Variants in GGA3 observed in about 807,000 individuals in gnomAD.
GGA3 encodes golgi associated, gamma adaptin ear containing, ARF binding protein 3.
In GGA3, 57 loss-of-function variants were observed where a neutral mutation model predicts 77.5. The ratio of observed to expected loss-of-function variants is 0.74; its 90% CI spans 0.59 to 0.92. GGA3 has a LOEUF of 0.92. Among genes scored for constraint, GGA3 ranks in the 40% least tolerant of loss-of-function variants. The pLI is 0.00. For missense variants in GGA3, 970 were observed against 914.9 expected (o/e 1.06, Z -0.78); for synonymous variants, 416 against 383.7 (o/e 1.08, Z -0.98).
chr17:75,262,103 T>G, upstream of GGA3: 1 of 1,225,440 alleles, frequency 8.2e-7, no homozygotes. Flanking sequence ...GGATTCAAGC[T>G]TCTAAGTTAG....
intron 1 of GGA3, among the ~76,000 whole-genome samples, chr17:75,247,756 C>T (rs1567794125): frequency 6.6e-6 from 1 of 152,158 alleles, no homozygotes; most frequent in Non-Finnish European, 1.5e-5. Context: ...GCTCTAATGG[C>T]CTTCCATGGT....
chr17:75,238,665 G>A lies in GGA3; in HGVS notation c.2048C>T (p.Ala683Val). 6.2e-7 allele frequency: 1 copy of A among 1,611,938 alleles called. No individual in the cohort carries two copies. Among genetic ancestry groups the A allele is most frequent in the Non-Finnish European group, 8.5e-7 (1 of 1,178,248 alleles). Residue 683 changes from alanine (A) to valine (V), a missense_variant, in exon 16 of 17, where the codon GCC becomes GTC. By Grantham distance (64) the Ala-to-Val change is moderately conservative (BLOSUM62 0). Coordinates refer to ENST00000537686, the MANE Select transcript of GGA3 (RefSeq NM_138619.4). Reference sequence around the variant, plus strand: ...TTTGCTGCTCACCTTCAGTGGATTGGCCAGCAACATGACCTGGGTGATGGC... The same window carrying A: ...TTTGCTGCTCACCTTCAGTGGATTGACCAGCAACATGACCTGGGTGATGGC... Reference protein sequence around the residue: ...PAAITQVMLLANPLKEKVRLR... With the variant: ...PAAITQVMLLVNPLKEKVRLR...
In GGA3 at chr17:75,248,814, A is replaced by C. The variant is rs1456959820; in HGVS notation, c.41-2018T>G. 4.7e-3 allele frequency: 3,773 copies of C among 804,636 alleles called. 156 individuals carry two copies. The African/African-American group carries it at 0.19, about 41-fold the overall frequency. 49.8% of individuals were successfully genotyped at this position (804,636 alleles called of 1,614,324 possible). ...AAAAAACAAAAACAAAAACAAAAAA[A>C]ACAAAACAAAAAAAAAAAAACTCAC... On this transcript the variant is annotated intron_variant, in intron 1 of 16. Coordinates refer to ENST00000537686, the MANE Select transcript of GGA3 (RefSeq NM_138619.4).
intron 1 of GGA3, among the ~76,000 whole-genome samples, chr17:75,252,133 G>A (rs2076987921): frequency 6.6e-6 from 1 of 151,642 alleles, no homozygotes; most frequent in African/African-American, 2.4e-5. Flanking sequence ...AGGTTGGAGT[G>A]CAGTGGCTCT....
At chr17:75,253,913 A>AT (rs2077056125) in intron 1 of GGA3, among the ~76,000 whole-genome samples, 1 of 152,062 alleles carries the variant, frequency 6.6e-6, no homozygotes, top group Admixed American at 6.6e-5. Flanking sequence ...TAAATGCCTT[A>AT]TTTTCTTCTG....
intron 1 of GGA3, among the ~76,000 whole-genome samples, chr17:75,255,493 T>G (rs1398362046): frequency 6.6e-6 from 1 of 152,108 alleles, no homozygotes; most frequent in Non-Finnish European, 1.5e-5. Flanking sequence ...ACTCCCTCCT[T>G]GGCGACCGAT....
chr17:75,251,632 G>T (rs1244904226), intron 1 of GGA3, among the ~76,000 whole-genome samples: 1 of 150,570 alleles, frequency 6.6e-6, no homozygotes, highest in African/African-American at 2.5e-5. Flanking sequence ...CTTTAACCCA[G>T]GCGGCAGAGG....
At chr17:75,243,287 G>T in intron 5 of GGA3, 121 bp from the exon 6 acceptor site, 1 of 1,106,244 alleles carries the variant, frequency 9.0e-7, no homozygotes, top group Non-Finnish European at 1.3e-6. Context: ...TGGAGGGCAG[G>T]CTGCTACACC....
intron 1 of GGA3, among the ~76,000 whole-genome samples, chr17:75,259,316 C>T (rs758342336): frequency 8.5e-5 from 13 of 152,070 alleles, no homozygotes; most frequent in Non-Finnish European, 1.5e-4. Context: ...TAACACCCCA[C>T]GTAGCAGGTA....
At chr17:75,249,064 G>C (rs988147312) in intron 1 of GGA3, 41 of 916,014 alleles carry the variant, frequency 4.5e-5, no homozygotes, top group Non-Finnish European at 5.2e-5. Context: ...TATTTATTTT[G>C]AGATTGAGTC....
chr17:75,246,551 C>A lies in GGA3; in HGVS notation c.159G>T (p.Lys53Asn), dbSNP rs370372329. ...CCTCCCATTCCTGTGGGGACTGGAT[C>A]TTGTGGGCCAGCAGTCGGACGGCGA... ...PQIAVRLLAH[K>N]IQSPQEWEAL... Residue 53 changes from lysine to asparagine, a missense_variant, in exon 3 of 17, where the codon AAG becomes AAT. By Grantham distance (94) the Lys-to-Asn change is moderately conservative. Coordinates refer to ENST00000537686, the MANE Select transcript of GGA3 (RefSeq NM_138619.4). The A allele has an allele frequency of 1.5e-5, 24 of 1,613,920 alleles. No homozygotes were observed. The highest frequency in any genetic ancestry group is 2.0e-5 in the Non-Finnish European group (24 of 1,179,894).
chr17:75,239,465 G>T lies in GGA3; in HGVS notation c.1690C>A (p.Pro564Thr). ...STGPGSPLFQ[P>T]LSFQSQGSPP... is the part of the protein sequence containing the mutation. ...CTGCCCTGGGACTGGAAACTCAGTGGCTGGAAGAGCGGGCTGCCGGGCCCC... is the reference window on the plus strand; with the variant it reads ...CTGCCCTGGGACTGGAAACTCAGTGTCTGGAAGAGCGGGCTGCCGGGCCCC... The change falls in exon 14 of 17, where the codon CCA becomes ACA. Residue 564 changes from proline to threonine, a missense_variant. Coordinates refer to ENST00000537686, the MANE Select transcript of GGA3 (RefSeq NM_138619.4). 1 of 1,581,584 alleles carries T rather than the reference G, an allele frequency of 6.3e-7. No individual in the cohort carries two copies. Among genetic ancestry groups the T allele is most frequent in the Admixed American group, 2.1e-5 (1 of 48,044 alleles).
At chr17:75,242,291 G>T (rs1555582491) in intron 8 of GGA3, 45 bp downstream of exon 8, 1 of 1,608,888 alleles carries the variant, frequency 6.2e-7, no homozygotes, top group Non-Finnish European at 8.5e-7. Context: ...GCTCCTGAAG[G>T]GCAGCGCAGC....
Position 75,240,015 on chromosome 17 carries a change from A to AG in GGA3, c.1356dup (p.Ser453LeufsTer45). On this transcript the variant is annotated frameshift_variant, in exon 13 of 17. Transcript: ENST00000537686. LOFTEE classifies it high-confidence loss of function. Reference sequence around the variant, plus strand: ...AGTGGAGCTTGGGAGCTGCTTGAGGAGGGGGCTGAGGGCTGGAGCAGAGGA... The same window carrying AG: ...AGTGGAGCTTGGGAGCTGCTTGAGGAGGGGGGCTGAGGGCTGGAGCAGAGGA... 1 of 1,552,064 alleles carries AG rather than the reference A, an allele frequency of 6.4e-7. No homozygotes were observed. The highest frequency in any genetic ancestry group is 1.2e-5 in the South Asian group (1 of 84,288).
In GGA3 at chr17:75,238,763, CTAAAG is replaced by C; in HGVS notation, c.1951-6_1951-2del. 6.2e-7 allele frequency: 1 copy of C among 1,610,502 alleles called. No homozygotes were observed. Among genetic ancestry groups the C allele is most frequent in the Non-Finnish European group, 8.5e-7 (1 of 1,177,378 alleles). On this transcript the variant is annotated splice_acceptor_variant and splice_polypyrimidine_tract_variant and intron_variant, in intron 15 of 16. Transcript: ENST00000537686. LOFTEE classifies it high-confidence loss of function. ...GTGGCTGCAACTTCACTTTCATTGA[CTAAAG>C]AGAGAGAAACTCCTTTGAAGAGAAC...
In GGA3 at chr17:75,237,862, G is replaced by C; in HGVS notation, c.*417C>G. 7.1e-7 allele frequency: 1 copy of C among 1,400,318 alleles called. No individual in the cohort carries two copies. The highest frequency in any genetic ancestry group is 2.6e-5 in the East Asian group (1 of 38,094). The allele number at this position is 1,400,318 out of a possible 1,614,324, so 86.7% of individuals were successfully genotyped here. A position where few individuals can be genotyped will look rare whatever the true frequency, so the allele number is the denominator to read the frequency against. Reference sequence around the variant, plus strand: ...GCCCCTTGGGCCGTGCATCTGTCAGGTGTGAGGATGTGGCTCTTGTGGGGA... The same window carrying C: ...GCCCCTTGGGCCGTGCATCTGTCAGCTGTGAGGATGTGGCTCTTGTGGGGA... On this transcript the variant is annotated 3_prime_UTR_variant, in exon 17 of 17. Coordinates refer to ENST00000537686, the MANE Select transcript of GGA3 (RefSeq NM_138619.4).
Position 75,238,988 on chromosome 17 carries a change from C to T in GGA3, c.1876G>A (p.Val626Met). Residue 626 changes from valine (V) to methionine (M), a missense_variant, in exon 15 of 17, where the codon GTG becomes ATG. Physicochemically the swap from Val to Met is conservative, Grantham distance 21 (BLOSUM62 1). Coordinates refer to ENST00000537686, the MANE Select transcript of GGA3 (RefSeq NM_138619.4). ...ECPPGRPDVL[V>M]VVVSMLNTAP... is the part of the protein sequence containing the mutation. ...GTGTTCAGCATGGACACCACCACCA[C>T]CAGCACGTCAGGTCGTCCTGGGGGA... 1 of 1,614,132 alleles carries T rather than the reference C, an allele frequency of 6.2e-7. No individual in the cohort carries two copies. The highest frequency in any genetic ancestry group is 8.5e-7 in the Non-Finnish European group (1 of 1,180,028).
chr17:75,260,036 C>T (rs2077297519), intron 1 of GGA3, among the ~76,000 whole-genome samples: 1 of 152,122 alleles, frequency 6.6e-6, no homozygotes, highest in Admixed American at 6.5e-5. Context: ...ATAGTCCCAG[C>T]TACTCAGGAG....
intron 1 of GGA3, among the ~76,000 whole-genome samples, chr17:75,255,243 T>C (rs970409230): frequency 2.6e-5 from 4 of 151,730 alleles, no homozygotes; most frequent in South Asian, 4.2e-4. Flanking sequence ...CTTCTAAACC[T>C]CTTAAAACTC....
Sources: gnomAD v4.1 joint callset for allele counts (sites outside exome capture counted in the v4.1 genomes callset) on GRCh38, gnomAD v4.1.1 for gene constraint, MANE v1.5 for transcripts, NCBI Gene and HGNC (gene_info 2026-07-23, HGNC 2026-07-21) for gene names.